Variants in ANO3 observed in about 807,000 individuals in gnomAD.
ANO3 encodes the protein anoctamin 3.
A neutral mutation model predicts 144.8 loss-of-function variants in ANO3; 99 were observed. That is an observed-to-expected ratio of 0.68 (90% CI 0.58 to 0.81). The LOEUF is 0.81. Among genes scored for constraint, ANO3 ranks in the 30% least tolerant of loss-of-function variants. The pLI, the probability that ANO3 is intolerant of heterozygous loss-of-function variation, is 0.00. For missense variants in ANO3, 905 were observed against 1,202.2 expected, an observed-to-expected ratio of 0.75 and a Z score of 3.66; for synonymous variants, 414 against 392.6, an observed-to-expected ratio of 1.05 and a Z score of -0.64.
At chr11:26,462,419 A>G (rs1307890195) in intron 3 of ANO3, among the ~76,000 whole-genome samples, 3 of 151,878 alleles carry the variant, frequency 2.0e-5, no homozygotes, top group Admixed American at 1.3e-4. Flanking sequence ...TTCATTGTTC[A>G]TGTACATCCT....
intron 5 of ANO3, among the ~76,000 whole-genome samples, chr11:26,514,535 G>C (rs1424363052): frequency 1.3e-5 from 2 of 152,062 alleles, no homozygotes; most frequent in African/African-American, 4.8e-5. Context: ...GTAAATGGTA[G>C]AGATGGAATT....
At chr11:26,457,139 T>C (rs1859195246) in intron 3 of ANO3, among the ~76,000 whole-genome samples, 1 of 149,556 alleles carries the variant, frequency 6.7e-6, no homozygotes, top group Non-Finnish European at 1.5e-5. Flanking sequence ...GACGAGTTAG[T>C]GGGTGCAGCG....
At chr11:26,416,081 A>G (rs765308178) in intron 1 of ANO3, among the ~76,000 whole-genome samples, 1 of 152,124 alleles carries the variant, frequency 6.6e-6, no homozygotes, top group Non-Finnish European at 1.5e-5. Flanking sequence ...TTACATAACA[A>G]GAGGCCTTGC....
At chr11:26,306,535 G>A (rs1281392121), upstream of ANO3, among the ~76,000 whole-genome samples, 4 of 152,050 alleles carry the variant, frequency 2.6e-5, no homozygotes, top group Admixed American at 6.6e-5. Context: ...GCAGTGGTGT[G>A]CACCTGTGGT....
intron 1 of ANO3, among the ~76,000 whole-genome samples, chr11:26,257,635 C>G (rs1192055822): frequency 6.6e-6 from 1 of 152,064 alleles, no homozygotes; most frequent in Non-Finnish European, 1.5e-5. Context: ...ATGCAAGCTG[C>G]TAGGCCCACT....
At chr11:26,658,467 G>A (rs4528279) in intron 26 of ANO3, among the ~76,000 whole-genome samples, 31,790 of 92,650 alleles carry the variant, frequency 0.34, 3,572 homozygotes, top group South Asian at 0.46. Context: ...CAAAATAGCC[G>A]GGTGCAGTGG....
chr11:26,634,896 C>G, intron 19 of ANO3, 117 bp from the exon 20 acceptor site: 1 of 745,658 alleles, frequency 1.3e-6, no homozygotes, highest in South Asian at 1.8e-5. Flanking sequence ...CAACTGGGGA[C>G]AGATTGCACC....
intron 1 of ANO3, among the ~76,000 whole-genome samples, chr11:26,269,769 G>T (rs1387979224): frequency 6.6e-6 from 1 of 152,090 alleles, no homozygotes; most frequent in East Asian, 1.9e-4. Flanking sequence ...TACCTTTTCG[G>T]GTTTGACAGT....
chr11:26,339,037 C>T (rs1248237022), intron 1 of ANO3, among the ~76,000 whole-genome samples: 1 of 152,080 alleles, frequency 6.6e-6, no homozygotes, highest in African/African-American at 2.4e-5. Context: ...TATTATTGTT[C>T]TTATTTTCAA....
Position 26,443,766 on chromosome 11 carries a change from TA to T in ANO3, c.245del (p.Asn82IlefsTer11). 2 of 1,249,226 alleles carry T rather than the reference TA, an allele frequency of 1.6e-6. No individual in the cohort carries two copies. The highest frequency in any genetic ancestry group is 1.3e-5 in the South Asian group (1 of 79,894). 77.4% of individuals were successfully genotyped at this position (1,249,226 alleles called of 1,614,324 possible). ...LISTDKAEQV[N>X]TEENKNDSVL... ...ACAAAGTATCTTATTTTATTTCAGT[TA>T]ATACTGAGGAGAATAAAAACGACTC... On this transcript the variant is annotated frameshift_variant and splice_region_variant, in exon 3 of 27. Transcript: ENST00000256737. LOFTEE classifies it high-confidence loss of function.
intron 1 of ANO3, among the ~76,000 whole-genome samples, chr11:26,402,888 C>A (rs1400391169): frequency 6.6e-6 from 1 of 151,884 alleles, no homozygotes; most frequent in Non-Finnish European, 1.5e-5. Flanking sequence ...AGGAACGTTT[C>A]TTTTCTTGCA....
upstream of ANO3, among the ~76,000 whole-genome samples, chr11:26,329,313 CACACACACACACACAG>C (rs975926864): frequency 8.9e-5 from 7 of 78,632 alleles, no homozygotes; most frequent in Admixed American, 5.2e-4. Context: ...CACACACACA[CACACACACACACACAG>C]AGAGAGAGAG....
chr11:26,404,065 G>A (rs1169750441), intron 1 of ANO3, among the ~76,000 whole-genome samples: 1 of 151,708 alleles, frequency 6.6e-6, no homozygotes. Context: ...TACATTGCAT[G>A]CATTTATTGA....
At chr11:26,538,158 T>G (rs1449986386) in intron 10 of ANO3, among the ~76,000 whole-genome samples, 1 of 152,214 alleles carries the variant, frequency 6.6e-6, no homozygotes, top group African/African-American at 2.4e-5. Flanking sequence ...ATGTATTGAG[T>G]ACTTGCTATT....
intron 1 of ANO3, among the ~76,000 whole-genome samples, chr11:26,319,460 C>A (rs977367522): frequency 6.6e-6 from 1 of 152,118 alleles, no homozygotes; most frequent in African/African-American, 2.4e-5. Flanking sequence ...TTAACTATAT[C>A]GTTGGGTATT....
intron 1 of ANO3, among the ~76,000 whole-genome samples, chr11:26,302,561 A>T (rs779805773): frequency 2.8e-4 from 43 of 152,206 alleles, no homozygotes; most frequent in Non-Finnish European, 6.2e-4. Context: ...TATTTCAGTG[A>T]ATAAACTAAC....
rs560862856 is a variant in ANO3 at position 26,264,339 on chromosome 11, A to T, written c.155-45306A>T. On this transcript the variant is annotated intron_variant, in intron 1 of 27. Coordinates refer to the ANO3 transcript ENST00000672621. ...ACTAGCACTAATACTATCAAACCAC[A>T]TACTTAGGTAAACAGTTTGGCACCA... 1.6e-4 allele frequency among the ~76,000 whole-genome samples: 24 copies of T among 152,334 alleles called. 1 individual carries two copies. The South Asian group carries it at 4.8e-3, about 30-fold the overall frequency.
chr11:26,329,115 G>C (rs774684885), upstream of ANO3, among the ~76,000 whole-genome samples: 2 of 152,020 alleles, frequency 1.3e-5, no homozygotes, highest in Non-Finnish European at 2.9e-5. Context: ...ATAGTTCATA[G>C]TTAGCTTAGC....
At chr11:26,386,393 T>C (rs2133956627) in intron 1 of ANO3, among the ~76,000 whole-genome samples, 1 of 152,212 alleles carries the variant, frequency 6.6e-6, no homozygotes, top group Middle Eastern at 3.4e-3. Flanking sequence ...AATGTGGAAG[T>C]TTCAATGGAG....
Sources: allele counts gnomAD v4.1 joint callset (sites outside exome capture counted in the v4.1 genomes callset), GRCh38; gene constraint gnomAD v4.1.1; transcripts MANE v1.5; gene names NCBI Gene and HGNC (gene_info 2026-07-23, HGNC 2026-07-21).